The following COP1 variants were observed in gnomAD, a reference collection of about 807,000 sequenced individuals.
COP1 encodes E3 ubiquitin-protein ligase COP1.
A neutral mutation model predicts 101.3 loss-of-function variants in COP1; 24 were observed. That is an observed-to-expected ratio of 0.24 (90% CI 0.17 to 0.33). The LOEUF (loss-of-function observed/expected upper bound fraction) is 0.33. Ranked by LOEUF, COP1 falls within the 10% of genes least tolerant of loss-of-function variation. COP1 has a pLI of 1.00. For missense variants in COP1, 663 were observed against 906.2 expected, an observed-to-expected ratio of 0.73 and a Z score of 3.45; for synonymous variants, 347 against 341.9, an observed-to-expected ratio of 1.01 and a Z score of -0.17.
At chr1:176,001,000 A>G (rs1428991314) in intron 15 of COP1, among the ~76,000 whole-genome samples, 2 of 152,046 alleles carry the variant, frequency 1.3e-5, no homozygotes, top group Non-Finnish European at 2.9e-5. Flanking sequence ...ATGGCCATAC[A>G]TATTACATCT....
At chr1:176,116,772 C>T (rs1686259254) in intron 8 of COP1, 91 bp from the exon 9 acceptor site, 1 of 846,712 alleles carries the variant, frequency 1.2e-6, no homozygotes, top group South Asian at 1.7e-5. Context: ...TATATAAGCC[C>T]AGTATTTCTA....
intron 6 of COP1, among the ~76,000 whole-genome samples, chr1:176,139,391 C>T (rs1690319381): frequency 6.6e-6 from 1 of 151,750 alleles, no homozygotes; most frequent in South Asian, 2.1e-4. Flanking sequence ...ACTGTGGAGA[C>T]CGGAGTTGGG....
chr1:176,074,675 T>C (rs1223182115), intron 11 of COP1, among the ~76,000 whole-genome samples: 1 of 152,022 alleles, frequency 6.6e-6, no homozygotes, highest in East Asian at 1.9e-4. Context: ...AATGTCAGTA[T>C]GATTAGGGTT....
At chr1:176,038,025 G>A (rs1177791517) in intron 14 of COP1, among the ~76,000 whole-genome samples, 1 of 152,164 alleles carries the variant, frequency 6.6e-6, no homozygotes, top group Non-Finnish European at 1.5e-5. Flanking sequence ...TGACGTAATT[G>A]GCTATGTAGA....
rs1053730706 is a variant in COP1, at chr1:176,207,229, G to C, written c.-251C>G. Reference sequence around the variant, plus strand: ...CTGTCGAGGCCGCCGCCGCCACCGCGGTCCCTGTAGCAGCCAACCCCGGCG... The same window carrying C: ...CTGTCGAGGCCGCCGCCGCCACCGCCGTCCCTGTAGCAGCCAACCCCGGCG... On this transcript the variant is annotated 5_prime_UTR_variant, in exon 1 of 20. Transcript: ENST00000367669. The C allele has an allele frequency of 1.2e-5, 5 of 400,310 alleles. No individual in the cohort carries two copies. Among genetic ancestry groups the C allele is most frequent in the Non-Finnish European group, 2.2e-5 (5 of 227,620 alleles). The allele number at this position is 400,310 out of a possible 1,614,324, so 24.8% of individuals were successfully genotyped here.
rs965895665 is a variant in COP1, at chr1:176,043,834, T to A, written c.1422-16A>T. On this transcript the variant is annotated splice_polypyrimidine_tract_variant and intron_variant, in intron 12 of 19. Transcript: ENST00000367669. ...ACTGATACAGCTGAAAGAAATACAG[T>A]TAAAAGTTACTTTACATAAAAATAA... The A allele has an allele frequency of 1.7e-5, 23 of 1,386,148 alleles. No homozygotes were observed. Among genetic ancestry groups the A allele is most frequent in the Non-Finnish European group, 2.3e-5 (23 of 980,740 alleles). The allele number at this position is 1,386,148 out of a possible 1,614,324, so 85.9% of individuals were successfully genotyped here.
At chr1:176,134,847 G>A (rs73042743) in intron 8 of COP1, among the ~76,000 whole-genome samples, 163 bp downstream of exon 8, 2,674 of 151,972 alleles carry the variant, frequency 0.018, 61 homozygotes, top group African/African-American at 0.054. Flanking sequence ...GAAATCCAAC[G>A]CATTAAGGAA....
chr1:175,966,567 G>C (rs1652065478), intron 18 of COP1, among the ~76,000 whole-genome samples: 1 of 152,092 alleles, frequency 6.6e-6, no homozygotes, highest in African/African-American at 2.4e-5. Context: ...TACCAATGCT[G>C]ATCTGTATCA....
chr1:176,199,663 C>G (rs1301268643), intron 1 of COP1, among the ~76,000 whole-genome samples: 1 of 152,036 alleles, frequency 6.6e-6, no homozygotes, highest in African/African-American at 2.4e-5. Flanking sequence ...ACGAAAGAAA[C>G]CAGACACAAA....
At chr1:176,191,570 GA>G (rs547745366) in intron 1 of COP1, among the ~76,000 whole-genome samples, 1 of 150,640 alleles carries the variant, frequency 6.6e-6, no homozygotes, top group African/African-American at 2.4e-5. Context: ...AGGACTGAAA[GA>G]AAAAAAATGA....
At chr1:176,112,238 TTC>T (rs969903113) in intron 9 of COP1, among the ~76,000 whole-genome samples, 4 of 150,986 alleles carry the variant, frequency 2.6e-5, no homozygotes, top group African/African-American at 7.3e-5. Context: ...AAAAAAAAAA[TTC>T]TGATTGTTTT....
Position 176,184,710 on chromosome 1 carries a change from A to T in COP1, c.408-18T>A, listed in dbSNP as rs1390543117. On this transcript the variant is annotated intron_variant, in intron 1 of 19. Coordinates refer to ENST00000367669, the MANE Select transcript of COP1 (RefSeq NM_022457.7). ...AGATGGGGCTAAAAAGAAAAGAAAA[A>T]TAATTGATTTTTTTTTAAAAGTAGA... is the stretch of plus-strand genomic sequence containing the variant. 6.3e-7 allele frequency: 1 copy of T among 1,580,872 alleles called. No individual in the cohort carries two copies. Among genetic ancestry groups the T allele is most frequent in the Non-Finnish European group, 8.6e-7 (1 of 1,159,118 alleles).
intron 18 of COP1, among the ~76,000 whole-genome samples, chr1:175,962,000 A>G (rs1172061458): frequency 6.6e-6 from 1 of 152,206 alleles, no homozygotes; most frequent in Admixed American, 6.5e-5. Flanking sequence ...AGGTGGGGTA[A>G]GCATGTAAAC....
At chr1:176,106,530 T>C (rs1253951454) in intron 9 of COP1, among the ~76,000 whole-genome samples, 5 of 152,238 alleles carry the variant, frequency 3.3e-5, no homozygotes, top group African/African-American at 1.2e-4. Context: ...TTGAGATATT[T>C]TGCAGACCCT....
chr1:176,164,179 C>T (rs1489987040), intron 3 of COP1, among the ~76,000 whole-genome samples: 1 of 152,168 alleles, frequency 6.6e-6, no homozygotes, highest in Non-Finnish European at 1.5e-5. Flanking sequence ...AGAGAGAAAT[C>T]CTCATTCACC....
At chr1:176,203,166 C>T (rs995098146) in intron 1 of COP1, among the ~76,000 whole-genome samples, 14 of 151,642 alleles carry the variant, frequency 9.2e-5, no homozygotes, top group African/African-American at 3.4e-4. Context: ...TGAAACCCCG[C>T]CTCTACTAAA....
chr1:176,069,408 T>C (rs1676583794), intron 11 of COP1, among the ~76,000 whole-genome samples: 1 of 152,160 alleles, frequency 6.6e-6, no homozygotes, highest in South Asian at 2.1e-4. Context: ...AACTCTCTCT[T>C]TAGTCTACTC....
Position 176,057,844 on chromosome 1 carries a change from A to G in COP1, c.1278-11520T>C, listed in dbSNP as rs376882644. 9.3e-5 allele frequency among the ~76,000 whole-genome samples: 14 copies of G among 150,606 alleles called. No homozygotes were observed. The East Asian group carries it at 2.0e-3, about 22-fold the overall frequency. On this transcript the variant is annotated intron_variant, in intron 11 of 19. Transcript: ENST00000367669. ...CTCTGCCTGGCTGCCCAGTCTGGGA[A>G]GTAAGGAGCGCCTCTTCCCCGCCGC...
intron 18 of COP1, among the ~76,000 whole-genome samples, chr1:175,949,901 A>G (rs1340939155): frequency 2.6e-5 from 4 of 152,244 alleles, no homozygotes; most frequent in African/African-American, 9.6e-5. Context: ...TATAAATTAC[A>G]TAATTGAAAC....
Sources: allele counts gnomAD v4.1 joint callset (sites outside exome capture counted in the v4.1 genomes callset), GRCh38; gene constraint gnomAD v4.1.1; transcripts MANE v1.5; gene names NCBI Gene and HGNC (gene_info 2026-07-23, HGNC 2026-07-21).